MGST1: variants seen among roughly 807,000 people sequenced by gnomAD.
The protein encoded by MGST1 is microsomal glutathione S-transferase 1, also known as glutathione S-transferase 12.
MGST1 carries 5 observed loss-of-function variants against 8.9 expected under a neutral mutation model. The observed-to-expected ratio is 0.56, with a 90% CI of 0.29 to 1.19. The LOEUF (loss-of-function observed/expected upper bound fraction) is 1.19. MGST1 is among the 50% of genes most tolerant of loss of function. The pLI, the probability that MGST1 is intolerant of heterozygous loss-of-function variation, is 0.08. For synonymous variants in MGST1, 54 were observed against 67.8 expected (o/e 0.80, Z 1.00); for missense variants, 182 against 187.4 (o/e 0.97, Z 0.17).
chr12:16,565,806 A>C (rs1013978822), intron 4 of MGST1, among the ~76,000 whole-genome samples: 2 of 151,222 alleles, frequency 1.3e-5, no homozygotes, highest in Non-Finnish European at 2.9e-5. Context: ...AAAATTAAAA[A>C]CAGAACTACC....
rs539162148 is a variant in MGST1 at position 16,547,408 on chromosome 12, G to A, written n.483-42120G>A. ...AGTAATTTGTGTGCGATAATTCTCT[G>A]AACACATTGATTACTTGAGATATTT... On this transcript the variant is annotated intron_variant and non_coding_transcript_variant, in intron 4 of 4. Coordinates refer to the MGST1 transcript ENST00000538857. This position sits in a 1 kb window ranked among gnomAD's most constrained non-coding sequence, Gnocchi z 4.6. Among the ~76,000 whole-genome samples, 15 of 152,222 alleles carry A rather than the reference G, an allele frequency of 9.9e-5. No individual in the cohort carries two copies. The highest frequency in any genetic ancestry group is 3.6e-4 in the African/African-American group (15 of 41,540).
At chr12:16,484,078 A>AT (rs1416794927) in intron 4 of MGST1, among the ~76,000 whole-genome samples, 2 of 152,260 alleles carry the variant, frequency 1.3e-5, no homozygotes. Flanking sequence ...GCAATTAAAA[A>AT]TATCCTCAAA....
intron 4 of MGST1, among the ~76,000 whole-genome samples, chr12:16,484,702 T>C (rs559058093): frequency 6.6e-6 from 1 of 151,912 alleles, no homozygotes; most frequent in African/African-American, 2.4e-5. Context: ...CTTAGTGTCA[T>C]GAGAAGTGTC....
intron 1 of MGST1, among the ~76,000 whole-genome samples, chr12:16,432,899 A>G (rs550353137): frequency 6.6e-6 from 1 of 152,186 alleles, no homozygotes; most frequent in African/African-American, 2.4e-5. Context: ...AGGACAGTCA[A>G]TGGTGTCTGT....
intron 1 of MGST1, among the ~76,000 whole-genome samples, chr12:16,393,305 T>A (rs1324052584): frequency 6.6e-6 from 1 of 152,168 alleles, no homozygotes; most frequent in Non-Finnish European, 1.5e-5. Context: ...ACCTACCCTG[T>A]CATATGAAAG....
chr12:16,386,545 T>C (rs1940505645), intron 1 of MGST1, among the ~76,000 whole-genome samples: 1 of 152,234 alleles, frequency 6.6e-6, no homozygotes, highest in Non-Finnish European at 1.5e-5. Context: ...GACCGAAGCT[T>C]CTAAAACAAT....
At chr12:16,554,815 A>G (rs1212858323) in intron 4 of MGST1, among the ~76,000 whole-genome samples, 2 of 151,850 alleles carry the variant, frequency 1.3e-5, no homozygotes, top group East Asian at 3.9e-4. Context: ...CGCCACCTCG[A>G]CCGGCTCATT....
chr12:16,467,686 G>T (rs1349561730), intron 4 of MGST1, among the ~76,000 whole-genome samples: 3 of 152,096 alleles, frequency 2.0e-5, no homozygotes, highest in African/African-American at 7.2e-5. Context: ...TTTAAAATAT[G>T]ACTTTACTTA....
At chr12:16,484,576 T>G (rs529260738) in intron 4 of MGST1, among the ~76,000 whole-genome samples, 1 of 152,198 alleles carries the variant, frequency 6.6e-6, no homozygotes, top group Admixed American at 6.5e-5. Flanking sequence ...CTCAGGAAAC[T>G]TATAACCTTG....
At chr12:16,563,873 T>C (rs1399932623) in intron 4 of MGST1, among the ~76,000 whole-genome samples, 1 of 152,246 alleles carries the variant, frequency 6.6e-6, no homozygotes, top group Non-Finnish European at 1.5e-5. Context: ...TTGCTCATTT[T>C]AAGATGTCTT....
intron 4 of MGST1, among the ~76,000 whole-genome samples, chr12:16,563,538 TTAAC>T (rs1202232736): frequency 2.0e-5 from 3 of 152,166 alleles, no homozygotes; most frequent in African/African-American, 4.8e-5. Flanking sequence ...AAACAGTCTC[TTAAC>T]TATCTAATTC....
intron 4 of MGST1, among the ~76,000 whole-genome samples, chr12:16,522,429 G>C (rs1941654027): frequency 6.6e-6 from 1 of 151,924 alleles, no homozygotes; most frequent in Non-Finnish European, 1.5e-5. Flanking sequence ...TTTGACACAG[G>C]GTTACTGCTT....
intron 4 of MGST1, among the ~76,000 whole-genome samples, chr12:16,523,349 T>C (rs748793317): frequency 2.6e-5 from 4 of 152,054 alleles, no homozygotes; most frequent in Non-Finnish European, 4.4e-5. Context: ...ATCAGTAAAA[T>C]TGGGGAGTTT....
intron 4 of MGST1, among the ~76,000 whole-genome samples, chr12:16,574,641 A>G (rs1942934875): frequency 6.6e-6 from 1 of 152,174 alleles, no homozygotes; most frequent in Admixed American, 6.6e-5. Context: ...TACTGACACA[A>G]TGGAGCTAAT....
At chr12:16,471,967 C>T (rs1209087952) in intron 4 of MGST1, among the ~76,000 whole-genome samples, 3 of 151,846 alleles carry the variant, frequency 2.0e-5, no homozygotes, top group Non-Finnish European at 4.4e-5. Flanking sequence ...ACACATTGTC[C>T]GCTCCACATA....
intron 1 of MGST1, among the ~76,000 whole-genome samples, chr12:16,390,150 A>G (rs900058795): frequency 2.0e-5 from 3 of 152,254 alleles, no homozygotes; most frequent in Non-Finnish European, 4.4e-5. Flanking sequence ...AGGGGCATAT[A>G]CAGGTTTTAT....
At chr12:16,439,671 A>T (rs1389515706), downstream of MGST1, among the ~76,000 whole-genome samples, 4 of 151,766 alleles carry the variant, frequency 2.6e-5, no homozygotes, top group African/African-American at 9.7e-5. Flanking sequence ...TATGTGTTTT[A>T]AAGAACTCTC....
chr12:16,385,292 G>T (rs1326778761), intron 1 of MGST1, among the ~76,000 whole-genome samples: 1 of 152,184 alleles, frequency 6.6e-6, no homozygotes, highest in African/African-American at 2.4e-5. Context: ...GAATTCTGCT[G>T]CAATGGACCA....
Position 16,364,077 on chromosome 12 carries a change from T to TA in MGST1, c.*38dup. ...ACAACTCAGCATCCAGTTGGCTTTTTAAGAATTCTGTACTTCCAATTTATA... is the reference window on the plus strand; with the variant it reads ...ACAACTCAGCATCCAGTTGGCTTTTTAAAGAATTCTGTACTTCCAATTTATA... On this transcript the variant is annotated 3_prime_UTR_variant, in exon 4 of 4. Transcript: ENST00000396210. This position sits in a 1 kb window ranked among gnomAD's most constrained non-coding sequence, Gnocchi z 5.7. The TA allele has an allele frequency of 6.4e-7, 1 of 1,552,122 alleles. No individual in the cohort carries two copies. The highest frequency in any genetic ancestry group is 8.7e-7 in the Non-Finnish European group (1 of 1,147,898).
Sources: gnomAD v4.1 joint callset for allele counts (sites outside exome capture counted in the v4.1 genomes callset) on GRCh38, gnomAD v4.1.1 for gene constraint, Gnocchi (gnomAD v3.1) non-coding constraint, MANE v1.5 for transcripts, NCBI Gene and HGNC (gene_info 2026-07-23, HGNC 2026-07-21) for gene names.